Variants in ATG2A observed in about 807,000 individuals in gnomAD.
ATG2A encodes autophagy related 2A, also known as autophagy-related protein 2 homolog A.
Under a neutral mutation model 214.2 loss-of-function variants are expected in ATG2A, and 103 were observed. The ratio of observed to expected loss-of-function variants is 0.48; its 90% CI spans 0.41 to 0.57. The LOEUF (loss-of-function observed/expected upper bound fraction) is 0.57. ATG2A is among the 20% of genes least tolerant of loss of function. ATG2A has a pLI of 0.00. For missense variants in ATG2A, 2,312 were observed against 2,613.2 expected (o/e 0.88, Z 2.51); for synonymous variants, 1,160 against 1,142.1 (o/e 1.02, Z -0.32).
rs1313151492 is a variant in ATG2A, at chr11:64,894,905, G to A, written c.*68C>T. On this transcript the variant is annotated 3_prime_UTR_variant, in exon 41 of 41. Coordinates refer to ENST00000377264, the MANE Select transcript of ATG2A (RefSeq NM_015104.3). ...AAGGGCCAGGCCGGGCCGGGCCCGT[G>A]GGCTGCAGCTCTTGGGAGGCTCAGG... The A allele has an allele frequency of 6.3e-7, 1 of 1,577,588 alleles. No homozygotes were observed.
Position 64,910,916 on chromosome 11 carries a change from C to T in ATG2A, c.1505G>A (p.Arg502Gln), listed in dbSNP as rs764419673. ...TGTCCGCCGGCCCCGACTGCCCGTC[C>T]GCAGCTCCCAGGACAGCTGCACGGC... Reference protein sequence around the residue: ...GTAVQLSWELRTGSRGRRTTS... With the variant: ...GTAVQLSWELQTGSRGRRTTS... The change falls in exon 11 of 41, where the codon CGG (arginine) becomes CAG (glutamine). Residue 502 changes from arginine to glutamine, a missense_variant. Physicochemically the swap from Arg to Gln is conservative, Grantham distance 43. Transcript: ENST00000377264. 1.9e-5 allele frequency: 31 copies of T among 1,612,820 alleles called. No individual in the cohort carries two copies. The highest frequency in any genetic ancestry group is 2.7e-5 in the African/African-American group (2 of 74,930).
rs1197690637 is a variant in ATG2A, at chr11:64,898,352, T to G, written c.4682A>C (p.Lys1561Thr). 2 of 1,603,022 alleles carry G rather than the reference T, an allele frequency of 1.2e-6. No individual in the cohort carries two copies. Among genetic ancestry groups the G allele is most frequent in the Non-Finnish European group, 1.7e-6 (2 of 1,176,230 alleles). The change falls in exon 33 of 41, where the codon AAA (lysine) becomes ACA (threonine). Residue 1561 changes from lysine to threonine, a missense_variant. Physicochemically the swap from Lys to Thr is moderately conservative, Grantham distance 78. Transcript: ENST00000377264. The surrounding 1 kb of genome is among the most constrained non-coding windows in gnomAD (Gnocchi z 4.5). ...GGTAGTGGGGGCCACATGCAGCGCT[T>G]TGATGGTGAGCTGGGAGCAGAGGGT... The part of the protein sequence containing the change: ...RRAHSNMLTI[K>T]ALHVAPTTNL...
chr11:64,914,485 G>A lies in ATG2A; in HGVS notation c.187C>T (p.Leu63=), dbSNP rs771668329. The change falls in exon 2 of 41, where the codon CTG becomes TTG. Residue 63 remains leucine, a synonymous_variant. Transcript: ENST00000377264. ...HLEIWSVNEV[L]ESMESPLELV... is the part of the protein sequence containing the mutation. ...TCCAGCGGTGACTCCATTGACTCCA[G>A]CACCTCGTTCACAGACTGGGAGCAA... 8.1e-6 allele frequency: 13 copies of A among 1,612,594 alleles called. No individual in the cohort carries two copies. The Admixed American group carries it at 2.0e-4, about 25-fold the overall frequency.
chr11:64,897,485 C>T lies in ATG2A; in HGVS notation c.5077G>A (p.Ala1693Thr). ...HVTMDQVGTFAGLLIGLAQLN... is the reference protein window; with the variant it reads ...HVTMDQVGTFTGLLIGLAQLN... ...TGGGCCAGGCCGATGAGGAGGCCAG[C>T]AAAAGTGCCCTGGGAGAGGGAGGGG... Residue 1693 changes from alanine to threonine, a missense_variant, in exon 37 of 41, where the codon GCT becomes ACT. Coordinates refer to ENST00000377264, the MANE Select transcript of ATG2A (RefSeq NM_015104.3). 1.9e-6 allele frequency: 3 copies of T among 1,579,848 alleles called. No homozygotes were observed. Among genetic ancestry groups the T allele is most frequent in the Admixed American group, 1.8e-5 (1 of 54,190 alleles).
In ATG2A at chr11:64,913,382, C is replaced by A; in HGVS notation, c.610G>T (p.Ala204Ser). The change falls in exon 5 of 41, where the codon GCA becomes TCA. Residue 204 changes from alanine (A) to serine (S), a missense_variant. Coordinates refer to ENST00000377264, the MANE Select transcript of ATG2A (RefSeq NM_015104.3). The surrounding 1 kb of genome is among the most constrained non-coding windows in gnomAD (Gnocchi z 4.3). ...GGCGCCTGGCTTGGGTCCCGCACTG[C>A]CTCATCACAGTACTCCAGTCTGGAG... ...RVQRLEYCDE[A>S]VRDPSQAPPV... 1 of 1,595,264 alleles carries A rather than the reference C, an allele frequency of 6.3e-7. No homozygotes were observed. Among genetic ancestry groups the A allele is most frequent in the Non-Finnish European group, 8.5e-7 (1 of 1,172,172 alleles).
Position 64,913,705 on chromosome 11 carries a change from G to T in ATG2A, c.590+116C>A. 1 of 1,070,672 alleles carries T rather than the reference G, an allele frequency of 9.3e-7. No homozygotes were observed. The highest frequency in any genetic ancestry group is 1.9e-5 in the Admixed American group (1 of 52,214). 66.3% of individuals were successfully genotyped at this position (1,070,672 alleles called of 1,614,324 possible). ...ACCTCCCCAACCCTACCACCACCGAGGCCCATCCAGATCCACCCTGCCTCT... is the reference window on the plus strand; with the variant it reads ...ACCTCCCCAACCCTACCACCACCGATGCCCATCCAGATCCACCCTGCCTCT... On this transcript the variant is annotated intron_variant, in intron 4 of 40. Transcript: ENST00000377264. The surrounding 1 kb of genome is among the most constrained non-coding windows in gnomAD (Gnocchi z 4.3).
chr11:64,910,749 C>T (rs766098548), intron 11 of ATG2A, 41 bp from the exon 12 acceptor site: 2 of 1,609,776 alleles, frequency 1.2e-6, no homozygotes, highest in African/African-American at 1.3e-5. Context: ...CAGGCCTGGC[C>T]CCACAGCCAC....
chr11:64,917,148 C>G lies in ATG2A; in HGVS notation c.-13G>C. The G allele has an allele frequency of 6.3e-7, 1 of 1,585,304 alleles. No individual in the cohort carries two copies. The highest frequency in any genetic ancestry group is 1.1e-5 in the South Asian group (1 of 89,490). On this transcript the variant is annotated 5_prime_UTR_variant, in exon 1 of 41. Coordinates refer to ENST00000377264, the MANE Select transcript of ATG2A (RefSeq NM_015104.3). ...GCCATCGTGACATCTCGGAGACCGC[C>G]GGGCCTGGGCCGCCTCCGCTTGCCG...
rs925222524 is a variant in ATG2A, at chr11:64,902,543, G to A, written c.3750C>T (p.Pro1250=). ...TGDLHPPPRP[P]SPTEIAGQKL... ...TCTGGCCGGCGATCTCCGTGGGGCT[G>A]GGGGGCCGGGGTGGGGGGTGCAGAT... Residue 1250 remains proline (P), a synonymous_variant, in exon 27 of 41, where the codon CCC becomes CCT. Transcript: ENST00000377264. The A allele has an allele frequency of 6.5e-7, 1 of 1,544,216 alleles. No individual in the cohort carries two copies.
chr11:64,900,006 A>G (rs185500315), intron 31 of ATG2A, among the ~76,000 whole-genome samples: 1 of 147,534 alleles, frequency 6.8e-6, no homozygotes, highest in African/African-American at 2.5e-5. Context: ...CTATAGGCAC[A>G]CACCACTGCA....
rs532962074 is a variant in ATG2A, at chr11:64,896,788, C to T, written c.5232G>A (p.Leu1744=). The T allele has an allele frequency of 3.4e-5, 55 of 1,614,194 alleles. No homozygotes were observed. In the South Asian group the frequency reaches 5.7e-4, roughly 17 times the overall value. ...QDIRKNQLPG[L]LGGVGPMHSV... The stretch of plus-strand genomic sequence containing the variant: ...AGTGCATGGGGCCCACGCCTCCCAG[C>T]AGGCCGGGCAGCTGGTTCTTGCGGA... The change falls in exon 38 of 41, where the codon CTG becomes CTA. Residue 1744 remains leucine (L), a synonymous_variant. Transcript: ENST00000377264.
At chr11:64,916,797 G>T in intron 1 of ATG2A, 168 bp downstream of exon 1, 1 of 855,376 alleles carries the variant, frequency 1.2e-6, no homozygotes, top group Non-Finnish European at 1.8e-6. Context: ...GCTCTGGTAA[G>T]GAACTGAAGA....
rs1351618946 is a variant in ATG2A at position 64,898,663 on chromosome 11, C to A, written c.4644G>T (p.Arg1548=). 1 of 1,614,054 alleles carries A rather than the reference C, an allele frequency of 6.2e-7. No homozygotes were observed. Among genetic ancestry groups the A allele is most frequent in the Non-Finnish European group, 8.5e-7 (1 of 1,179,994 alleles). ...NKFLYLHTSE[R]MPRRAHSNML... is the part of the protein sequence containing the mutation. ...TGTTAGAGTGGGCACGTCGCGGCAT[C>A]CGCTCACTCGTGTGTAGGTACAGGA... is the stretch of plus-strand genomic sequence containing the variant. The change falls in exon 32 of 41, where the codon CGG becomes CGT. Residue 1548 remains arginine, a synonymous_variant. Coordinates refer to ENST00000377264, the MANE Select transcript of ATG2A (RefSeq NM_015104.3). The surrounding 1 kb of genome is among the most constrained non-coding windows in gnomAD (Gnocchi z 4.5).
At chr11:64,897,319 G>C in intron 37 of ATG2A, 93 bp downstream of exon 37, 1 of 1,427,002 alleles carries the variant, frequency 7.0e-7, no homozygotes, top group Non-Finnish European at 9.6e-7. Flanking sequence ...CCTGAGAAGG[G>C]TGATGACTTG....
intron 1 of ATG2A, among the ~76,000 whole-genome samples, chr11:64,916,595 C>G (rs1342429932): frequency 6.6e-6 from 1 of 152,156 alleles, no homozygotes; most frequent in Non-Finnish European, 1.5e-5. Context: ...AGGCCCAAGT[C>G]TGTCACTGCC....
Position 64,913,878 on chromosome 11 carries a change from A to C in ATG2A, c.533T>G (p.Val178Gly). Residue 178 changes from valine (V) to glycine (G), a missense_variant, in exon 4 of 41, where the codon GTG becomes GGG. Physicochemically the swap from Val to Gly is moderately radical, Grantham distance 109. Coordinates refer to ENST00000377264, the MANE Select transcript of ATG2A (RefSeq NM_015104.3). This position sits in a 1 kb window ranked among gnomAD's most constrained non-coding sequence, Gnocchi z 4.3. ...TTCCCCATCACCCGGAGAGTGCTCC[A>C]CCCTCACGACAGTGTCCAGGAAGGT... ...KVTFLDTVVR[V>G]EHSPGDGERG... 1 of 1,613,994 alleles carries C rather than the reference A, an allele frequency of 6.2e-7. No homozygotes were observed. Among genetic ancestry groups the C allele is most frequent in the South Asian group, 1.1e-5 (1 of 91,082 alleles).
chr11:64,897,496 T>TG lies in ATG2A; in HGVS notation c.5068-3dup. ...GATGAGGAGGCCAGCAAAAGTGCCC[T>TG]GGGAGAGGGAGGGGGTCCAGGTTTA... On this transcript the variant is annotated splice_region_variant and splice_polypyrimidine_tract_variant and intron_variant, in intron 36 of 40. Coordinates refer to ENST00000377264, the MANE Select transcript of ATG2A (RefSeq NM_015104.3). 2 of 1,581,824 alleles carry TG rather than the reference T, an allele frequency of 1.3e-6. No homozygotes were observed. The highest frequency in any genetic ancestry group is 1.7e-6 in the Non-Finnish European group (2 of 1,163,936).
chr11:64,902,612 A>G lies in ATG2A; in HGVS notation c.3681T>C (p.Cys1227=), dbSNP rs767734588. The G allele has an allele frequency of 1.2e-5, 19 of 1,610,516 alleles. No individual in the cohort carries two copies. The highest frequency in any genetic ancestry group is 1.5e-5 in the Non-Finnish European group (18 of 1,179,802). ...VVHVHSCADS[C]ALLVNLLQYV... Reference sequence around the variant, plus strand: ...ACTGGAGCAGGTTGACCAGCAGGGCACAGGAGTCGGCACAGCTGTGCACGT... The same window carrying G: ...ACTGGAGCAGGTTGACCAGCAGGGCGCAGGAGTCGGCACAGCTGTGCACGT... Residue 1227 remains cysteine (C), a synonymous_variant, in exon 27 of 41, where the codon TGT becomes TGC. Transcript: ENST00000377264.
At position 64,905,552 on chromosome 11, in the gene ATG2A, G is replaced by T. The variant is rs376204517; in HGVS notation, c.3464+11C>A. On this transcript the variant is annotated intron_variant, in intron 24 of 40. Coordinates refer to ENST00000377264, the MANE Select transcript of ATG2A (RefSeq NM_015104.3). ...AGGGTGGGATGGCCCAGTGTGGGGC[G>T]GCCTGCATACCTGAGCAGGAAGGTG... 1.4e-5 allele frequency: 22 copies of T among 1,606,312 alleles called. 1 individual carries two copies. The East Asian group carries it at 4.5e-4, about 33-fold the overall frequency.
Sources: allele counts gnomAD v4.1 joint callset (sites outside exome capture counted in the v4.1 genomes callset), GRCh38; gene constraint gnomAD v4.1.1; non-coding constraint Gnocchi (gnomAD v3.1); transcripts MANE v1.5; gene names NCBI Gene and HGNC (gene_info 2026-07-23, HGNC 2026-07-21).